P2RY12: variants seen among roughly 807,000 people sequenced by gnomAD.
The protein encoded by P2RY12 is P2Y purinoceptor 12.
A neutral mutation model predicts 4.5 loss-of-function variants in P2RY12; 3 were observed. That is an observed-to-expected ratio of 0.67 (90% CI 0.31 to 1.74). The LOEUF is 1.74. Among genes scored for constraint, P2RY12 ranks in the 40% most tolerant of loss-of-function variants. The pLI, the probability that P2RY12 is intolerant of heterozygous loss-of-function variation, is 0.09. For synonymous variants in P2RY12, 148 were observed against 154.1 expected (o/e 0.96, Z 0.29); for missense variants, 356 against 407.8 (o/e 0.87, Z 1.09).
chr3:151,339,450 C>T (rs1456619465), intron 2 of P2RY12, among the ~76,000 whole-genome samples: 1 of 147,232 alleles, frequency 6.8e-6, no homozygotes, highest in African/African-American at 2.5e-5. Context: ...AAAAAGCTGA[C>T]CTTTTTTCTT....
At chr3:151,364,910 T>G in intron 1 of P2RY12, 2 of 1,111,050 alleles carry the variant, frequency 1.8e-6, no homozygotes, top group Non-Finnish European at 2.7e-6. Flanking sequence ...AATATGTCCT[T>G]AAGTGAAATA....
chr3:151,348,808 C>T (rs1359068831), intron 1 of P2RY12, among the ~76,000 whole-genome samples: 3 of 152,220 alleles, frequency 2.0e-5, no homozygotes, highest in Non-Finnish European at 2.9e-5. Context: ...CTTAGTTTAA[C>T]GCTACAGAAG....
chr3:151,352,537 A>T (rs1753363133), intron 1 of P2RY12, among the ~76,000 whole-genome samples: 1 of 152,202 alleles, frequency 6.6e-6, no homozygotes, highest in African/African-American at 2.4e-5. Context: ...TAATGGAAAT[A>T]TGCCCACTTT....
At chr3:151,342,983 A>C (rs1458777826) in intron 1 of P2RY12, among the ~76,000 whole-genome samples, 1 of 152,002 alleles carries the variant, frequency 6.6e-6, no homozygotes, top group African/African-American at 2.4e-5. Context: ...TTAGATGGAG[A>C]CCCCATTCTG....
chr3:151,338,896 A>C (rs749326501), intron 2 of P2RY12, 37 bp from the exon 3 acceptor site: 1 of 1,580,840 alleles, frequency 6.3e-7, no homozygotes, highest in Admixed American at 1.7e-5. Context: ...TTTTCAGCCT[A>C]AGGTAGTTAT....
At chr3:151,378,066 A>G (rs1173514625) in intron 1 of P2RY12, 1 of 1,610,458 alleles carries the variant, frequency 6.2e-7, no homozygotes, top group Admixed American at 1.7e-5. Flanking sequence ...CCAGGTTGCC[A>G]ACTTCTGTGC....
rs1426241330 is a variant in P2RY12, at chr3:151,338,830, T to C, written c.16A>G (p.Asn6Asp). ...GTGTTACCAGGCGCAGAGGTGAGGT[T>C]GTCGACGGCTTGCATTTCTTGTTGG... MQAVD[N>D]LTSAPGNTSL... Residue 6 changes from asparagine (N) to aspartate (D), a missense_variant, in exon 3 of 3, where the codon AAC (asparagine) becomes GAC (aspartate). Transcript: ENST00000302632. The C allele has an allele frequency of 6.2e-7, 1 of 1,613,632 alleles. No individual in the cohort carries two copies. The highest frequency in any genetic ancestry group is 1.7e-5 in the Admixed American group (1 of 59,942).
intron 1 of P2RY12, among the ~76,000 whole-genome samples, chr3:151,356,407 A>G (rs1178752427): frequency 1.3e-5 from 2 of 152,102 alleles, no homozygotes; most frequent in African/African-American, 2.4e-5. Flanking sequence ...TAAATAAATA[A>G]ATAAAATTTA....
At chr3:151,380,250 A>G in intron 1 of P2RY12, 1 of 1,403,112 alleles carries the variant, frequency 7.1e-7, no homozygotes, top group South Asian at 1.2e-5. Flanking sequence ...ATATTAAGAC[A>G]GGCAAATATC....
intron 1 of P2RY12, among the ~76,000 whole-genome samples, chr3:151,358,574 T>G (rs1243219916): frequency 6.7e-6 from 1 of 149,828 alleles, no homozygotes; most frequent in Non-Finnish European, 1.5e-5. Context: ...TTTTTGTTTT[T>G]GTTTTTTGTT....
At position 151,338,349 on chromosome 3, in the gene P2RY12, T is replaced by A; in HGVS notation, c.497A>T (p.Gln166Leu). The A allele has an allele frequency of 6.2e-7, 1 of 1,614,158 alleles. No individual in the cohort carries two copies. The highest frequency in any genetic ancestry group is 1.1e-5 in the South Asian group (1 of 91,082). ...TTTCTTCACATTCTTGTCTCTCGGC[T>A]GCCTGTTGGTCAGAATCATGTTAGG... The part of the protein sequence containing the change: ...SLPNMILTNR[Q>L]PRDKNVKKCS... Residue 166 changes from glutamine to leucine, a missense_variant, in exon 3 of 3, where the codon CAG becomes CTG. Physicochemically the swap from Gln to Leu is moderately radical, Grantham distance 113. Coordinates refer to ENST00000302632, the MANE Select transcript of P2RY12 (RefSeq NM_022788.5).
chr3:151,366,514 T>A (rs1577456199), intron 1 of P2RY12, among the ~76,000 whole-genome samples: 1 of 152,350 alleles, frequency 6.6e-6, no homozygotes, highest in South Asian at 2.1e-4. Flanking sequence ...AAGATACCCC[T>A]TGTATATATC....
At chr3:151,371,008 G>A (rs1362292599) in intron 1 of P2RY12, among the ~76,000 whole-genome samples, 1 of 152,142 alleles carries the variant, frequency 6.6e-6, no homozygotes, top group Admixed American at 6.5e-5. Flanking sequence ...GGCACTGAAC[G>A]CTCAAATGTA....
At chr3:151,355,358 T>A in intron 1 of P2RY12, 1 of 645,254 alleles carries the variant, frequency 1.5e-6, no homozygotes, top group Non-Finnish European at 2.7e-6. Flanking sequence ...ATAAACATAC[T>A]TGGAAGTATC....
At chr3:151,382,822 T>TAGGAG in intron 1 of P2RY12, 2 of 1,183,618 alleles carry the variant, frequency 1.7e-6, no homozygotes, top group Non-Finnish European at 2.4e-6. Flanking sequence ...CCACTTCTCC[T>TAGGAG]AAGTGCAAAG....
chr3:151,376,155 A>G (rs1756824560), intron 1 of P2RY12: 2 of 1,609,566 alleles, frequency 1.2e-6, no homozygotes, highest in Non-Finnish European at 1.7e-6. Flanking sequence ...TCCTCATGGC[A>G]TTAAAGAATG....
At chr3:151,372,451 C>T in intron 1 of P2RY12, 2 of 711,774 alleles carry the variant, frequency 2.8e-6, no homozygotes, top group Non-Finnish European at 4.8e-6. Flanking sequence ...ACTGGCTATT[C>T]AATAATAATA....
intron 1 of P2RY12, chr3:151,372,655 T>G: frequency 6.2e-7 from 1 of 1,613,952 alleles, no homozygotes; most frequent in Non-Finnish European, 8.5e-7. Context: ...GGAATGCTGA[T>G]GATATCTGGA....
chr3:151,367,018 T>A (rs1755365676), intron 1 of P2RY12, among the ~76,000 whole-genome samples: 1 of 152,220 alleles, frequency 6.6e-6, no homozygotes, highest in Admixed American at 6.5e-5. Context: ...GTATGAAGAT[T>A]GCTATTGTAG....
Sources: gnomAD v4.1 joint callset for allele counts (sites outside exome capture counted in the v4.1 genomes callset) on GRCh38, gnomAD v4.1.1 for gene constraint, MANE v1.5 for transcripts, NCBI Gene and HGNC (gene_info 2026-07-23, HGNC 2026-07-21) for gene names.